The following GANC variants were observed in gnomAD, a reference collection of about 807,000 sequenced individuals.
The protein encoded by GANC is neutral alpha-glucosidase C.
Under a neutral mutation model 124.2 loss-of-function variants are expected in GANC, and 117 were observed. The ratio of observed to expected loss-of-function variants is 0.94; its 90% CI spans 0.81 to 1.10. The LOEUF (loss-of-function observed/expected upper bound fraction) is 1.10. Among genes scored for constraint, GANC ranks in the 50% least tolerant of loss-of-function variants. The probability of loss-of-function intolerance (pLI) is 0.00; values close to 1 mark genes in which losing one functional copy is unlikely to be tolerated. For synonymous variants in GANC, 377 were observed against 376.8 expected, an observed-to-expected ratio of 1.00 and a Z score of -0.01; for missense variants, 1,140 against 1,095.0, an observed-to-expected ratio of 1.04 and a Z score of -0.58.
At chr15:42,303,171 A>G (rs1289661307) in intron 6 of GANC, among the ~76,000 whole-genome samples, 1 of 152,250 alleles carries the variant, frequency 6.6e-6, no homozygotes, top group Non-Finnish European at 1.5e-5. Context: ...CAGAAGCCCT[A>G]CAAGCCAGAA....
In GANC at chr15:42,314,227, C is replaced by G. The variant is rs2052083123; in HGVS notation, c.1057+3381C>G. Reference sequence around the variant, plus strand: ...CCACAAGGAGTTCCTCTTTAAAGCACCTGAAGCACGTAGCTACCCAGCATG... The same window carrying G: ...CCACAAGGAGTTCCTCTTTAAAGCAGCTGAAGCACGTAGCTACCCAGCATG... On this transcript the variant is annotated intron_variant, in intron 10 of 23. Transcript: ENST00000318010. The G allele has an allele frequency of 8.2e-6, 6 of 733,946 alleles. No homozygotes were observed. In the South Asian group the frequency reaches 8.6e-5, roughly 10 times the overall value. 45.5% of individuals were successfully genotyped at this position (733,946 alleles called of 1,614,324 possible). A position where few individuals can be genotyped will look rare whatever the true frequency, so the allele number is the denominator to read the frequency against.
chr15:42,274,445 C>G lies in GANC; in HGVS notation c.-37C>G. ...TAAAAGATCGCCCAGGGCCCTTGTCCTGAGAGCTGGGAGCTGGTCGGAGTG... is the reference window on the plus strand; with the variant it reads ...TAAAAGATCGCCCAGGGCCCTTGTCGTGAGAGCTGGGAGCTGGTCGGAGTG... On this transcript the variant is annotated 5_prime_UTR_variant, in exon 1 of 24. Coordinates refer to ENST00000318010, the MANE Select transcript of GANC (RefSeq NM_198141.3). 6.2e-7 allele frequency: 1 copy of G among 1,605,966 alleles called. No individual in the cohort carries two copies. Among genetic ancestry groups the G allele is most frequent in the South Asian group, 1.1e-5 (1 of 89,120 alleles).
In GANC at chr15:42,321,801, C is replaced by T. The variant is rs781627993; in HGVS notation, c.1074C>T (p.Pro358=). Residue 358 remains proline, a synonymous_variant, in exon 11 of 24, where the codon CCC becomes CCT. Coordinates refer to ENST00000318010, the MANE Select transcript of GANC (RefSeq NM_198141.3). ...CTCTTTTAGGCACACAAGCCATGCC[C>T]CCTCTTTTCTCTTTGGGATACCACC... ...YSHLTGTQAM[P]PLFSLGYHQC... The T allele has an allele frequency of 8.1e-6, 13 of 1,614,054 alleles. No homozygotes were observed. In the South Asian group the frequency reaches 1.1e-4, roughly 14 times the overall value.
intron 1 of GANC, among the ~76,000 whole-genome samples, chr15:42,275,163 C>A (rs2051652332): frequency 6.6e-6 from 1 of 152,118 alleles, no homozygotes; most frequent in South Asian, 2.1e-4. Flanking sequence ...ATTGCTTGAA[C>A]CCAGGAGTTC....
At chr15:42,300,285 T>C (rs1345169231) in intron 6 of GANC, among the ~76,000 whole-genome samples, 1 of 151,944 alleles carries the variant, frequency 6.6e-6, no homozygotes, top group African/African-American at 2.4e-5. Flanking sequence ...CATCAAAACA[T>C]AGGCAAAGGA....
At chr15:42,324,164 C>T (rs185437031) in intron 11 of GANC, among the ~76,000 whole-genome samples, 2 of 151,828 alleles carry the variant, frequency 1.3e-5, no homozygotes, top group Admixed American at 6.6e-5. Context: ...AAATAGCCAA[C>T]AAGCACAAGA....
intron 2 of GANC, among the ~76,000 whole-genome samples, chr15:42,277,157 T>TA (rs1207598581): frequency 6.6e-6 from 1 of 152,130 alleles, no homozygotes; most frequent in Non-Finnish European, 1.5e-5. Context: ...GGTCAAAGAG[T>TA]AAATGCATTT....
In GANC at chr15:42,292,960, C is replaced by T. The variant is rs370158663; in HGVS notation, c.512+43C>T. 46 of 1,555,872 alleles carry T rather than the reference C, an allele frequency of 3.0e-5. No homozygotes were observed. The African/African-American group carries it at 6.0e-4, about 20-fold the overall frequency. On this transcript the variant is annotated intron_variant, in intron 5 of 23. Coordinates refer to ENST00000318010, the MANE Select transcript of GANC (RefSeq NM_198141.3). ...TTGACACATAAAGACCTTAACATAA[C>T]CTGGTTAATGAATATCAGTTGCCTA... is the stretch of plus-strand genomic sequence containing the variant.
chr15:42,347,191 A>G (rs1438877154), intron 20 of GANC, among the ~76,000 whole-genome samples: 4 of 123,706 alleles, frequency 3.2e-5, no homozygotes, highest in South Asian at 3.1e-4. Context: ...AAAAAAAAAA[A>G]GAAGAGAGAG....
In GANC at chr15:42,352,083, A is replaced by G; in HGVS notation, c.2689A>G (p.Ser897Gly). 1 of 1,614,126 alleles carries G rather than the reference A, an allele frequency of 6.2e-7. No homozygotes were observed. Among genetic ancestry groups the G allele is most frequent in the Non-Finnish European group, 8.5e-7 (1 of 1,180,008 alleles). The change falls in exon 24 of 24, where the codon AGC (serine) becomes GGC (glycine). Residue 897 changes from serine (S) to glycine (G), a missense_variant. Ser to Gly is a moderately conservative substitution (Grantham distance 56, BLOSUM62 0). Transcript: ENST00000318010. ...GTATTGTGCCAAAACATCCATCCTG[A>G]GCCTGGAGAAGCTCTCACTCAACAT... is the stretch of plus-strand genomic sequence containing the variant. ...FTYCAKTSIL[S>G]LEKLSLNIAT...
At chr15:42,323,566 G>A (rs368081032) in intron 11 of GANC, among the ~76,000 whole-genome samples, 30 of 151,964 alleles carry the variant, frequency 2.0e-4, no homozygotes, top group African/African-American at 5.3e-4. Flanking sequence ...GCTATGGTGC[G>A]ATCTCAGCTC....
At chr15:42,346,890 T>A (rs2052369872) in intron 20 of GANC, among the ~76,000 whole-genome samples, 2 of 152,162 alleles carry the variant, frequency 1.3e-5, no homozygotes, top group Admixed American at 6.5e-5. Flanking sequence ...GTGTGAAGAT[T>A]AATAGATACT....
chr15:42,281,124 C>G, intron 3 of GANC: 1 of 702,518 alleles, frequency 1.4e-6, no homozygotes, highest in South Asian at 1.5e-5. Context: ...GGAACAAACT[C>G]CATGCTCAGG....
At chr15:42,337,852 A>G (rs993101336) in intron 15 of GANC, among the ~76,000 whole-genome samples, 2 of 152,218 alleles carry the variant, frequency 1.3e-5, no homozygotes, top group Non-Finnish European at 2.9e-5. Context: ...ACTTGAGGCT[A>G]GGAGTTCAAG....
intron 10 of GANC, among the ~76,000 whole-genome samples, chr15:42,318,695 T>TCA (rs2052130342): frequency 6.6e-6 from 1 of 152,204 alleles, no homozygotes; most frequent in Admixed American, 6.5e-5. Context: ...CAAGCGATCA[T>TCA]CACACCTCAG....
At position 42,297,654 on chromosome 15, in the gene GANC, C is replaced by G. The variant is rs143361350; in HGVS notation, c.556C>G (p.Gln186Glu). Residue 186 changes from glutamine (Q) to glutamate (E), a missense_variant and splice_region_variant, in exon 6 of 24, where the codon CAG becomes GAG. Transcript: ENST00000318010. ...GGAGGAGACATCAGTGGACACCTCT[C>G]AGGTAATCTAGATTGATCCATTTAT... ...NEEETSVDTS[Q>E]ENQEDLGLWE... 1 of 1,603,910 alleles carries G rather than the reference C, an allele frequency of 6.2e-7. No individual in the cohort carries two copies. The highest frequency in any genetic ancestry group is 1.3e-5 in the African/African-American group (1 of 74,672).
chr15:42,321,653 G>A (rs1055709957), intron 10 of GANC, 132 bp from the exon 11 acceptor site: 3 of 770,708 alleles, frequency 3.9e-6, no homozygotes, highest in East Asian at 2.6e-5. Flanking sequence ...GGCAAGGACT[G>A]TGCTTTCTTC....
chr15:42,328,284 C>G (rs2052213008), intron 13 of GANC, among the ~76,000 whole-genome samples: 1 of 152,060 alleles, frequency 6.6e-6, no homozygotes, highest in Non-Finnish European at 1.5e-5. Flanking sequence ...TATTCATTTC[C>G]CTATTTGTGG....
intron 19 of GANC, among the ~76,000 whole-genome samples, chr15:42,345,446 A>G (rs1231501619): frequency 2.6e-5 from 4 of 152,066 alleles, no homozygotes; most frequent in South Asian, 2.1e-4. Context: ...GACAGGAACT[A>G]TGTCTTTTCT....
Sources: allele counts gnomAD v4.1 joint callset (sites outside exome capture counted in the v4.1 genomes callset), GRCh38; gene constraint gnomAD v4.1.1; transcripts MANE v1.5; gene names NCBI Gene and HGNC (gene_info 2026-07-23, HGNC 2026-07-21).